SHC3: variants seen among roughly 807,000 people sequenced by gnomAD.
SHC3 encodes SHC adaptor protein 3.
In SHC3, 15 loss-of-function variants were observed where a neutral mutation model predicts 60.4. The ratio of observed to expected loss-of-function variants is 0.25; its 90% CI spans 0.17 to 0.38. The LOEUF is 0.38. Among genes scored for constraint, SHC3 ranks in the 10% least tolerant of loss-of-function variants. The probability of loss-of-function intolerance (pLI) is 1.00; values close to 1 mark genes in which losing one functional copy is unlikely to be tolerated. For synonymous variants in SHC3, 294 were observed against 325.9 expected (o/e 0.90, Z 1.05); for missense variants, 677 against 786.1 (o/e 0.86, Z 1.66).
chr9:89,049,527 C>T (rs1824828560), intron 7 of SHC3, among the ~76,000 whole-genome samples: 1 of 152,188 alleles, frequency 6.6e-6, no homozygotes, highest in Admixed American at 6.5e-5. Context: ...TTTTATTCAA[C>T]ATTTCAGAAA....
At chr9:89,058,927 TAGGACGTGGTAG>T (rs985776990) in intron 6 of SHC3, among the ~76,000 whole-genome samples, 5 of 118,120 alleles carry the variant, frequency 4.2e-5, no homozygotes, top group African/African-American at 1.3e-4. Context: ...ATGGTGGTGT[TAGGACGTGGTAG>T]AGGACGTGGT....
chr9:89,091,705 C>T (rs1347026136), intron 2 of SHC3, among the ~76,000 whole-genome samples: 2 of 152,172 alleles, frequency 1.3e-5, no homozygotes, highest in African/African-American at 2.4e-5. Context: ...GTTTCTAGAA[C>T]TTTTTCATCT....
At chr9:89,014,812 C>T (rs1826068000) in intron 11 of SHC3, among the ~76,000 whole-genome samples, 3 of 152,210 alleles carry the variant, frequency 2.0e-5, no homozygotes, top group Admixed American at 2.0e-4. Context: ...CTGCTCCCAT[C>T]CCAAATCTAT....
chr9:89,123,193 T>C (rs1039339654), intron 1 of SHC3, among the ~76,000 whole-genome samples: 10 of 152,250 alleles, frequency 6.6e-5, no homozygotes, highest in Admixed American at 4.6e-4. Flanking sequence ...CCTGTGGTTA[T>C]ACTTCTGTTT....
At chr9:89,121,188 A>G (rs756345024) in intron 1 of SHC3, among the ~76,000 whole-genome samples, 19 of 152,332 alleles carry the variant, frequency 1.2e-4, no homozygotes, top group South Asian at 4.1e-4. Context: ...AATGAGATCA[A>G]TCAAAAACTG....
Position 89,067,025 on chromosome 9 carries a change from C to T in SHC3, c.784-1445G>A, listed in dbSNP as rs558202012. Among the ~76,000 whole-genome samples, 8 of 152,302 alleles carry T rather than the reference C, an allele frequency of 5.3e-5. No homozygotes were observed. The East Asian group carries it at 9.6e-4, about 18-fold the overall frequency. On this transcript the variant is annotated intron_variant, in intron 5 of 11. Coordinates refer to ENST00000375835, the MANE Select transcript of SHC3 (RefSeq NM_016848.6). The stretch of plus-strand genomic sequence containing the variant: ...TCTTGAGACAATGGTGCTGCTTCCC[C>T]GGTCATTCTGCAGGGCGTGGCTCAG...
intron 11 of SHC3, among the ~76,000 whole-genome samples, chr9:89,022,048 T>A (rs1021611294): frequency 6.6e-6 from 1 of 152,012 alleles, no homozygotes; most frequent in Non-Finnish European, 1.5e-5. Flanking sequence ...AAAGGCACAA[T>A]GTCAATGAGA....
rs116899641 is a variant in SHC3 at position 89,125,820 on chromosome 9, G to A, written c.475-13194C>T. ...CCCTCAGTTCCAGGAATTGCCCACC[G>A]CCTTCCCAGAAAACTCATGAATTAT... is the stretch of plus-strand genomic sequence containing the variant. On this transcript the variant is annotated intron_variant, in intron 1 of 11. Transcript: ENST00000375835. 1.9e-3 allele frequency among the ~76,000 whole-genome samples: 288 copies of A among 152,094 alleles called. 6 individuals carry two copies. In the East Asian group the frequency reaches 0.048, roughly 25 times the overall value.
intron 4 of SHC3, among the ~76,000 whole-genome samples, chr9:89,072,725 A>G (rs1034967792): frequency 6.6e-6 from 1 of 152,204 alleles, no homozygotes; most frequent in African/African-American, 2.4e-5. Context: ...GGGTGAGAAC[A>G]GAGCTCATCT....
intron 2 of SHC3, among the ~76,000 whole-genome samples, chr9:89,105,877 G>C (rs1435148058): frequency 6.6e-6 from 1 of 152,068 alleles, no homozygotes; most frequent in African/African-American, 2.4e-5. Flanking sequence ...AAAACACCCT[G>C]GAATGAATTG....
intron 1 of SHC3, among the ~76,000 whole-genome samples, chr9:89,155,405 G>A (rs1587758826): frequency 6.6e-6 from 1 of 152,102 alleles, no homozygotes; most frequent in Non-Finnish European, 1.5e-5. Context: ...AGTTGTCTCT[G>A]AAGCCTGGGC....
intron 2 of SHC3, among the ~76,000 whole-genome samples, chr9:89,100,260 C>G (rs1017050589): frequency 2.0e-5 from 3 of 152,080 alleles, no homozygotes; most frequent in Admixed American, 2.0e-4. Flanking sequence ...GTTACCACTT[C>G]CTGCACATAT....
At chr9:89,062,103 T>A (rs546373903) in intron 6 of SHC3, among the ~76,000 whole-genome samples, 1 of 152,332 alleles carries the variant, frequency 6.6e-6, no homozygotes, top group East Asian at 1.9e-4. Context: ...GTATGCCTAA[T>A]TTGAGCATCA....
intron 2 of SHC3, among the ~76,000 whole-genome samples, chr9:89,078,632 GA>G (rs1825399476): frequency 6.6e-6 from 1 of 152,176 alleles, no homozygotes; most frequent in Admixed American, 6.5e-5. Context: ...CCCAGAGGGT[GA>G]GGAAGCAAGA....
At chr9:89,079,395 A>T (rs181438894) in intron 2 of SHC3, among the ~76,000 whole-genome samples, 4 of 152,362 alleles carry the variant, frequency 2.6e-5, no homozygotes, top group Admixed American at 2.6e-4. Context: ...TAAGTGACAT[A>T]CTTAGTTGAG....
chr9:89,164,886 A>C (rs1826763164), intron 1 of SHC3, among the ~76,000 whole-genome samples: 1 of 152,244 alleles, frequency 6.6e-6, no homozygotes, highest in African/African-American at 2.4e-5. Context: ...AATAGAATTG[A>C]TAACTGCACT....
intron 4 of SHC3, among the ~76,000 whole-genome samples, chr9:89,071,479 C>A (rs920661880): frequency 1.2e-4 from 18 of 152,200 alleles, no homozygotes; most frequent in South Asian, 2.1e-4. Context: ...CTCGCTGCAG[C>A]CTGTGATGTG....
At chr9:89,031,539 G>T (rs1244200835) in intron 11 of SHC3, among the ~76,000 whole-genome samples, 1 of 152,134 alleles carries the variant, frequency 6.6e-6, no homozygotes, top group Non-Finnish European at 1.5e-5. Context: ...ATGTTTTCAA[G>T]GTTCATCCAA....
chr9:89,167,356 A>G (rs1826804342), intron 1 of SHC3, among the ~76,000 whole-genome samples: 1 of 152,226 alleles, frequency 6.6e-6, no homozygotes, highest in Non-Finnish European at 1.5e-5. Context: ...CAATCCTTTA[A>G]AAAGCAGTTT....
Sources: gnomAD v4.1 joint callset for allele counts (sites outside exome capture counted in the v4.1 genomes callset) on GRCh38, gnomAD v4.1.1 for gene constraint, MANE v1.5 for transcripts, NCBI Gene and HGNC (gene_info 2026-07-23, HGNC 2026-07-21) for gene names.